Variants in AVEN observed in about 807,000 individuals in gnomAD.
AVEN encodes cell death regulator Aven.
A neutral mutation model predicts 38.1 loss-of-function variants in AVEN; 41 were observed. That is an observed-to-expected ratio of 1.08 (90% CI 0.84 to 1.40). The LOEUF (loss-of-function observed/expected upper bound fraction) is 1.40. Ranked by LOEUF, AVEN falls within the 40% of genes most tolerant of loss-of-function variation. The pLI, the probability that AVEN is intolerant of heterozygous loss-of-function variation, is 0.00. For synonymous variants in AVEN, 206 were observed against 171.8 expected (o/e 1.20, Z -1.56); for missense variants, 605 against 438.8 (o/e 1.38, Z -3.38).
At position 33,921,870 on chromosome 15, in the gene AVEN, A is replaced by G. The variant is rs1893407500; in HGVS notation, c.446-45875T>C. Among the ~76,000 whole-genome samples, 5 of 152,102 alleles carry G rather than the reference A, an allele frequency of 3.3e-5. No individual in the cohort carries two copies. The South Asian group carries it at 1.0e-3, about 32-fold the overall frequency. Reference sequence around the variant, plus strand: ...TCTTGTCTCTGCTCAGGCTGGAGGGAGAGATTGGGAAAAAATGGTTAGCAG... The same window carrying G: ...TCTTGTCTCTGCTCAGGCTGGAGGGGGAGATTGGGAAAAAATGGTTAGCAG... On this transcript the variant is annotated intron_variant, in intron 2 of 5. Transcript: ENST00000306730.
chr15:33,919,716 GA>G (rs1893316040), intron 2 of AVEN, among the ~76,000 whole-genome samples: 1 of 152,160 alleles, frequency 6.6e-6, no homozygotes, highest in Non-Finnish European at 1.5e-5. Context: ...GCTACTTCCA[GA>G]TATGTGACAA....
intron 2 of AVEN, among the ~76,000 whole-genome samples, chr15:34,000,553 T>C (rs1464900504): frequency 1.3e-5 from 2 of 152,254 alleles, no homozygotes; most frequent in Non-Finnish European, 2.9e-5. Context: ...TTTTTCTCAG[T>C]TGTCTATTTA....
At chr15:34,047,455 G>A (rs997389272) in intron 5 of AVEN, among the ~76,000 whole-genome samples, 4 of 152,204 alleles carry the variant, frequency 2.6e-5, no homozygotes, top group Non-Finnish European at 4.4e-5. Context: ...CCCCTAGGAA[G>A]AGGGCTGAAA....
chr15:33,864,099 T>C (rs776567496), downstream of AVEN: 2 of 1,519,522 alleles, frequency 1.3e-6, no homozygotes, highest in South Asian at 1.2e-5. Flanking sequence ...AACTTGGGTC[T>C]TGACCAGAGT....
At chr15:33,900,464 C>T (rs942144297) in intron 2 of AVEN, among the ~76,000 whole-genome samples, 3 of 152,020 alleles carry the variant, frequency 2.0e-5, no homozygotes, top group Non-Finnish European at 2.9e-5. Flanking sequence ...TGAGCCACCA[C>T]GCCCAGTTGA....
intron 2 of AVEN, among the ~76,000 whole-genome samples, chr15:33,926,287 C>T (rs77988589): frequency 0.035 from 5,312 of 152,218 alleles, 182 homozygotes; most frequent in African/African-American, 0.088. Flanking sequence ...ACAAATCTTT[C>T]TCTTCTTAAC....
At chr15:33,998,451 T>C (rs745690696) in intron 2 of AVEN, among the ~76,000 whole-genome samples, 1 of 152,124 alleles carries the variant, frequency 6.6e-6, no homozygotes, top group Non-Finnish European at 1.5e-5. Context: ...AAGAAGACCC[T>C]GTCACTACAA....
intron 2 of AVEN, among the ~76,000 whole-genome samples, chr15:33,895,464 T>C (rs539492090): frequency 6.6e-6 from 1 of 152,176 alleles, no homozygotes; most frequent in East Asian, 1.9e-4. Flanking sequence ...TAGCTGGGAC[T>C]ACAGGTATTC....
At chr15:33,982,059 A>G (rs12438680) in intron 2 of AVEN, among the ~76,000 whole-genome samples, 37,633 of 150,476 alleles carry the variant, frequency 0.25, 6,329 homozygotes, top group African/African-American at 0.46. Context: ...TAGAGACAAG[A>G]TTTCACCACA....
chr15:34,051,761 C>T (rs377653780), intron 5 of AVEN, among the ~76,000 whole-genome samples: 3 of 152,082 alleles, frequency 2.0e-5, no homozygotes, highest in Admixed American at 2.0e-4. Context: ...AAATCCTGAA[C>T]ACATACACCC....
chr15:33,884,891 T>C (rs1412525228), intron 2 of AVEN, among the ~76,000 whole-genome samples: 1 of 150,680 alleles, frequency 6.6e-6, no homozygotes, highest in Non-Finnish European at 1.5e-5. Context: ...ATAGTAGCAA[T>C]TCCCATAACT....
intron 5 of AVEN, among the ~76,000 whole-genome samples, chr15:34,049,885 C>T (rs1195421977): frequency 8.0e-6 from 1 of 124,818 alleles, no homozygotes; most frequent in Non-Finnish European, 1.7e-5. Flanking sequence ...TAATCAACAT[C>T]AACTTTTTTT....
chr15:34,032,337 T>A (rs1180847028), intron 1 of AVEN, among the ~76,000 whole-genome samples: 1 of 152,140 alleles, frequency 6.6e-6, no homozygotes, highest in African/African-American at 2.4e-5. Context: ...ATCACTACTT[T>A]TTCTGGAAAA....
At chr15:33,897,090 A>G (rs1278445466) in intron 2 of AVEN, among the ~76,000 whole-genome samples, 2 of 152,306 alleles carry the variant, frequency 1.3e-5, no homozygotes, top group East Asian at 3.9e-4. Context: ...ATAGGGTTCC[A>G]TTACATAACA....
intron 2 of AVEN, among the ~76,000 whole-genome samples, chr15:34,068,346 C>T (rs1230553317): frequency 6.6e-6 from 1 of 151,640 alleles, no homozygotes; most frequent in East Asian, 1.9e-4. Context: ...GCTGGGATTA[C>T]AGACGCACGC....
chr15:33,855,255 C>T (rs1008156052), downstream of AVEN, among the ~76,000 whole-genome samples: 2 of 151,680 alleles, frequency 1.3e-5, no homozygotes, highest in Admixed American at 6.6e-5. Context: ...TGGAGTGCAG[C>T]GGTGGGATCT....
intron 2 of AVEN, among the ~76,000 whole-genome samples, chr15:33,930,954 C>CAAA (rs61006422): frequency 5.1e-4 from 57 of 111,828 alleles, no homozygotes; most frequent in African/African-American, 1.7e-3. Flanking sequence ...GACTCTGTCT[C>CAAA]AAAAAAAAAA....
chr15:34,000,515 G>A (rs1373672480), intron 2 of AVEN, among the ~76,000 whole-genome samples: 1 of 152,178 alleles, frequency 6.6e-6, no homozygotes, highest in African/African-American at 2.4e-5. Context: ...AAAAGTTTAT[G>A]ATTGCACACC....
chr15:33,859,448 T>A, intron 11 of AVEN: 1 of 937,928 alleles, frequency 1.1e-6, no homozygotes, highest in South Asian at 1.6e-5. Context: ...TACTGGCACC[T>A]CTGAAGAGTT....
Sources: gnomAD v4.1 joint callset for allele counts (sites outside exome capture counted in the v4.1 genomes callset) on GRCh38, gnomAD v4.1.1 for gene constraint, MANE v1.5 for transcripts, NCBI Gene and HGNC (gene_info 2026-07-23, HGNC 2026-07-21) for gene names.